NDRG3: variants seen among roughly 807,000 people sequenced by gnomAD.
The protein encoded by NDRG3 is protein NDRG3.
In NDRG3, 23 loss-of-function variants were observed where a neutral mutation model predicts 57.2. That is an observed-to-expected ratio of 0.40 (90% CI 0.29 to 0.57). The LOEUF (loss-of-function observed/expected upper bound fraction) is 0.57, where lower values mean the gene tolerates loss of function less well. Among genes scored for constraint, NDRG3 ranks in the 20% least tolerant of loss-of-function variants. The pLI, the probability that NDRG3 is intolerant of heterozygous loss-of-function variation, is 0.42. For synonymous variants in NDRG3, 132 were observed against 162.6 expected (o/e 0.81, Z 1.43); for missense variants, 384 against 457.3 (o/e 0.84, Z 1.46).
chr20:36,672,841 A>G (rs1322663367), intron 8 of NDRG3, among the ~76,000 whole-genome samples: 1 of 152,016 alleles, frequency 6.6e-6, no homozygotes, highest in Non-Finnish European at 1.5e-5. Flanking sequence ...AAAAAAAAAA[A>G]AATGTACCCA....
intron 3 of NDRG3, among the ~76,000 whole-genome samples, chr20:36,693,139 T>TAC (rs1323758336): frequency 1.7e-4 from 8 of 46,994 alleles, no homozygotes; most frequent in African/African-American, 6.4e-4. Context: ...TATATATATA[T>TAC]ATACACACAC....
Position 36,703,931 on chromosome 20 carries a change from A to G in NDRG3, c.93+3041T>C, listed in dbSNP as rs148902883. ...CAATTTCATATCTACAATTATATAT[A>G]TGTATGGAAAAAAAATCTCAAATGA... On this transcript the variant is annotated intron_variant, in intron 3 of 15. Transcript: ENST00000349004. Among the ~76,000 whole-genome samples the G allele has an allele frequency of 9.2e-5, 14 of 152,340 alleles. No homozygotes were observed. In the East Asian group the frequency reaches 2.7e-3, roughly 29 times the overall value.
chr20:36,707,119 A>G (rs756609784), intron 2 of NDRG3, 112 bp from the exon 3 acceptor site: 5 of 961,284 alleles, frequency 5.2e-6, no homozygotes, highest in Non-Finnish European at 8.2e-6. Context: ...TGGTTGCCAT[A>G]AAACTGAAAT....
At chr20:36,719,396 G>A (rs1443587403) in intron 2 of NDRG3, among the ~76,000 whole-genome samples, 1 of 144,694 alleles carries the variant, frequency 6.9e-6, no homozygotes, top group Non-Finnish European at 1.5e-5. Flanking sequence ...CACTGCACTC[G>A]AGCCTGGTGA....
chr20:36,703,283 G>C (rs1983352232), intron 3 of NDRG3, among the ~76,000 whole-genome samples: 1 of 151,944 alleles, frequency 6.6e-6, no homozygotes, highest in African/African-American at 2.4e-5. Flanking sequence ...TGTTGGGACA[G>C]ATGCTATAGT....
chr20:36,714,112 C>T (rs997675054), intron 2 of NDRG3, among the ~76,000 whole-genome samples: 2 of 151,860 alleles, frequency 1.3e-5, no homozygotes, highest in African/African-American at 4.8e-5. Flanking sequence ...TCAGCAGGGC[C>T]GTGCGCGGTG....
At chr20:36,705,331 AAAAAAG>A (rs1237313516) in intron 3 of NDRG3, among the ~76,000 whole-genome samples, 4 of 150,678 alleles carry the variant, frequency 2.7e-5, no homozygotes, top group African/African-American at 9.7e-5. Context: ...CAAAAAAAAA[AAAAAAG>A]AAAAGAAAAG....
chr20:36,702,792 A>T (rs993656361), intron 3 of NDRG3, among the ~76,000 whole-genome samples: 2 of 151,516 alleles, frequency 1.3e-5, no homozygotes, highest in Admixed American at 6.6e-5. Flanking sequence ...AGGTTCAAGC[A>T]ATCATCCTGC....
intron 8 of NDRG3, among the ~76,000 whole-genome samples, chr20:36,675,100 C>A (rs1227510922): frequency 1.4e-5 from 2 of 141,620 alleles, no homozygotes; most frequent in Admixed American, 7.4e-5. Flanking sequence ...TCGTCTGTTG[C>A]CCAGGCTAGA....
At chr20:36,688,288 G>A (rs1380063885) in intron 4 of NDRG3, among the ~76,000 whole-genome samples, 1 of 152,254 alleles carries the variant, frequency 6.6e-6, no homozygotes, top group East Asian at 1.9e-4. Context: ...CTGGTGACAG[G>A]CTCTAGCAAG....
At chr20:36,745,902 G>T (rs930169488) in intron 1 of NDRG3, 143 bp downstream of exon 1, 6 of 205,800 alleles carry the variant, frequency 2.9e-5, no homozygotes, top group Non-Finnish European at 5.9e-5. Flanking sequence ...GGGCCCCGGG[G>T]GCACGGGGGA....
rs1186050942 is a variant in NDRG3 at position 36,724,179 on chromosome 20, C to CA, written c.-48-2397dup. On this transcript the variant is annotated intron_variant, in intron 1 of 15. Transcript: ENST00000349004. The stretch of plus-strand genomic sequence containing the variant: ...CTATGCCTATGTTAGAACAGACTAA[C>CA]AAAAAAGCCCTCTTATCATTTATTC... 3.3e-5 allele frequency among the ~76,000 whole-genome samples: 5 copies of CA among 152,112 alleles called. No individual in the cohort carries two copies. The East Asian group carries it at 9.6e-4, about 29-fold the overall frequency.
At chr20:36,743,901 G>GC (rs1986049020) in intron 1 of NDRG3, among the ~76,000 whole-genome samples, 1 of 143,726 alleles carries the variant, frequency 7.0e-6, no homozygotes, top group South Asian at 2.2e-4. Flanking sequence ...ACATAAACAA[G>GC]CTTTTTTTTT....
chr20:36,666,261 TAAGTG>T, intron 10 of NDRG3, 23 bp downstream of exon 10: 2 of 1,524,622 alleles, frequency 1.3e-6, no homozygotes, highest in Non-Finnish European at 1.8e-6. Context: ...TGTTTACATT[TAAGTG>T]AAGAAACAGG....
chr20:36,690,446 T>C (rs1418466622), intron 3 of NDRG3, among the ~76,000 whole-genome samples: 2 of 139,238 alleles, frequency 1.4e-5, no homozygotes, highest in African/African-American at 5.6e-5. Context: ...AGGAACCCAA[T>C]AGAGCAGACA....
chr20:36,723,711 G>T lies in NDRG3; in HGVS notation c.-48-1928C>A, dbSNP rs6029072. ...GTGTGTGTGTGTGTCTGGTGTTTTT[G>T]TTTTTTTTTTTTTGAGACCTAGTCT... On this transcript the variant is annotated intron_variant, in intron 1 of 15. Transcript: ENST00000349004. Among the ~76,000 whole-genome samples the T allele has an allele frequency of 6.9e-4, 88 of 126,998 alleles. No individual in the cohort carries two copies. The East Asian group carries it at 0.011, about 15-fold the overall frequency. The allele number at this position is 126,998 out of a possible 152,430, so 83.3% of individuals were successfully genotyped here. A position where few individuals can be genotyped will look rare whatever the true frequency, so the allele number is the denominator to read the frequency against.
At chr20:36,692,375 C>A (rs1041038763) in intron 3 of NDRG3, among the ~76,000 whole-genome samples, 1 of 152,112 alleles carries the variant, frequency 6.6e-6, no homozygotes, top group Non-Finnish European at 1.5e-5. Context: ...AGGTGTGCAC[C>A]ACCAAGCCCC....
chr20:36,660,280 A>C (rs1036477210), intron 13 of NDRG3, 57 bp downstream of exon 13: 1 of 1,316,818 alleles, frequency 7.6e-7, no homozygotes, highest in Non-Finnish European at 1.1e-6. Flanking sequence ...ATTCCAGAAA[A>C]TATGATTAAT....
Position 36,682,505 on chromosome 20 carries a change from T to C in NDRG3, c.444+13A>G, listed in dbSNP as rs765546503. ...GCCTCAAGGATGTTGAGGCTAATCCTCTACATACTTACTGCAAATCTGCTG... is the reference window on the plus strand; with the variant it reads ...GCCTCAAGGATGTTGAGGCTAATCCCCTACATACTTACTGCAAATCTGCTG... On this transcript the variant is annotated intron_variant, in intron 7 of 15. Coordinates refer to ENST00000349004, the MANE Select transcript of NDRG3 (RefSeq NM_032013.4). 1 of 1,611,520 alleles carries C rather than the reference T, an allele frequency of 6.2e-7. No homozygotes were observed. Among genetic ancestry groups the C allele is most frequent in the Admixed American group, 1.7e-5 (1 of 59,996 alleles).
Sources: allele counts gnomAD v4.1 joint callset (sites outside exome capture counted in the v4.1 genomes callset), GRCh38; gene constraint gnomAD v4.1.1; transcripts MANE v1.5; gene names NCBI Gene and HGNC (gene_info 2026-07-23, HGNC 2026-07-21).